Variants in MSRA observed in about 807,000 individuals in gnomAD.
MSRA encodes mitochondrial peptide methionine sulfoxide reductase.
Under a neutral mutation model 31.3 loss-of-function variants are expected in MSRA, and 54 were observed. The observed-to-expected ratio is 1.73, with a 90% confidence interval of 1.39 to 2.17. The LOEUF (loss-of-function observed/expected upper bound fraction) is 2.17, where lower values mean the gene tolerates loss of function less well. Among genes scored for constraint, MSRA ranks in the 30% most tolerant of loss-of-function variants. The pLI, the probability that MSRA is intolerant of heterozygous loss-of-function variation, is 0.00. For missense variants in MSRA, 507 were observed against 300.9 expected (o/e 1.69, Z -5.07); for synonymous variants, 169 against 116.5 (o/e 1.45, Z -2.90).
intron 5 of MSRA, among the ~76,000 whole-genome samples, chr8:10,416,508 G>T (rs1041067218): frequency 6.6e-6 from 1 of 152,226 alleles, no homozygotes; most frequent in African/African-American, 2.4e-5. Context: ...CTGGAGCATG[G>T]CTGGTTACTG....
At chr8:10,331,212 T>C (rs1382074865) in intron 5 of MSRA, among the ~76,000 whole-genome samples, 1 of 152,136 alleles carries the variant, frequency 6.6e-6, no homozygotes, top group Non-Finnish European at 1.5e-5. Flanking sequence ...GTCTGTTACT[T>C]TGTTATGGCA....
At chr8:10,389,618 G>C (rs1337405807) in intron 5 of MSRA, among the ~76,000 whole-genome samples, 2 of 152,152 alleles carry the variant, frequency 1.3e-5, no homozygotes, top group Non-Finnish European at 2.9e-5. Context: ...ACCCACCGGG[G>C]AGCAGGCCCT....
intron 1 of MSRA, among the ~76,000 whole-genome samples, chr8:10,115,176 A>G (rs931139030): frequency 1.3e-5 from 2 of 152,242 alleles, no homozygotes; most frequent in Admixed American, 1.3e-4. Context: ...TCAAAAATGT[A>G]AAGTTATATC....
At chr8:10,338,072 G>A (rs1317693655) in intron 5 of MSRA, among the ~76,000 whole-genome samples, 3 of 152,134 alleles carry the variant, frequency 2.0e-5, no homozygotes, top group Admixed American at 2.0e-4. Flanking sequence ...GGAGAAAAAG[G>A]CAAATAGGAC....
intron 3 of MSRA, chr8:10,250,344 T>A (rs1447485431): frequency 2.9e-6 from 2 of 689,430 alleles, no homozygotes; most frequent in Admixed American, 2.0e-5. Flanking sequence ...ATTAGCCTAA[T>A]ATACAAATAC....
chr8:10,178,265 G>A (rs951972625), intron 1 of MSRA, among the ~76,000 whole-genome samples: 7 of 152,132 alleles, frequency 4.6e-5, no homozygotes, highest in Non-Finnish European at 7.4e-5. Context: ...TACTCTGACA[G>A]TAAAAATCAA....
At chr8:10,420,590 T>G (rs1007171641) in intron 5 of MSRA, among the ~76,000 whole-genome samples, 1 of 152,130 alleles carries the variant, frequency 6.6e-6, no homozygotes, top group African/African-American at 2.4e-5. Context: ...CGGGCCTCTT[T>G]CCATATGGTC....
At chr8:10,339,530 T>TC (rs1803275542) in intron 5 of MSRA, among the ~76,000 whole-genome samples, 1 of 121,020 alleles carries the variant, frequency 8.3e-6, no homozygotes, top group East Asian at 2.6e-4. Context: ...TTTCTTTCTT[T>TC]CTTTTTTTTT....
chr8:10,178,373 T>C (rs771322609), intron 1 of MSRA, among the ~76,000 whole-genome samples: 10 of 152,032 alleles, frequency 6.6e-5, no homozygotes, highest in Admixed American at 2.6e-4. Flanking sequence ...GGAGATCACT[T>C]GAGCCCAGGA....
At chr8:10,201,523 G>A (rs17151309) in intron 1 of MSRA, among the ~76,000 whole-genome samples, 2,282 of 152,296 alleles carry the variant, frequency 0.015, 64 homozygotes, top group African/African-American at 0.052. Context: ...AATTTTAGGT[G>A]TTCCCAGTTG....
intron 3 of MSRA, among the ~76,000 whole-genome samples, chr8:10,279,760 C>T (rs1799519853): frequency 6.6e-6 from 1 of 152,188 alleles, no homozygotes; most frequent in Non-Finnish European, 1.5e-5. Context: ...TGCTGCTCTT[C>T]TTTTGAGTCC....
At chr8:10,176,758 G>C (rs773539557) in intron 1 of MSRA, among the ~76,000 whole-genome samples, 11 of 152,184 alleles carry the variant, frequency 7.2e-5, no homozygotes, top group Non-Finnish European at 1.2e-4. Flanking sequence ...ATCAATGCTG[G>C]AATGGGGGCT....
chr8:10,264,713 A>C (rs1798656440), intron 3 of MSRA, among the ~76,000 whole-genome samples: 1 of 152,186 alleles, frequency 6.6e-6, no homozygotes, highest in South Asian at 2.1e-4. Context: ...CATTAAGGTG[A>C]GATGACTAGT....
chr8:10,092,296 T>C (rs568528332), intron 1 of MSRA, among the ~76,000 whole-genome samples: 1 of 152,332 alleles, frequency 6.6e-6, no homozygotes. Flanking sequence ...TTAATCATTT[T>C]AAATTTATTG....
intron 5 of MSRA, among the ~76,000 whole-genome samples, chr8:10,355,063 C>T (rs935855987): frequency 6.6e-6 from 1 of 152,174 alleles, no homozygotes; most frequent in Non-Finnish European, 1.5e-5. Context: ...ATTTTCTTCA[C>T]TGGCATTTAG....
chr8:10,322,565 G>A (rs1340408430), intron 5 of MSRA, among the ~76,000 whole-genome samples: 2 of 152,076 alleles, frequency 1.3e-5, no homozygotes, highest in Non-Finnish European at 2.9e-5. Flanking sequence ...AGAGTCTAAG[G>A]TGCCCATGAC....
intron 1 of MSRA, among the ~76,000 whole-genome samples, chr8:10,173,970 G>T (rs1585092550): frequency 6.6e-6 from 1 of 152,148 alleles, no homozygotes; most frequent in South Asian, 2.1e-4. Context: ...CATTGAGGTG[G>T]GTGGGCCTGG....
intron 2 of MSRA, among the ~76,000 whole-genome samples, chr8:10,236,741 T>G (rs1257950419): frequency 6.6e-6 from 1 of 152,158 alleles, no homozygotes; most frequent in African/African-American, 2.4e-5. Flanking sequence ...AGATGGGGTT[T>G]TACTATGTTG....
chr8:10,181,485 C>T (rs967746228), intron 1 of MSRA, among the ~76,000 whole-genome samples: 1 of 151,194 alleles, frequency 6.6e-6, no homozygotes, highest in African/African-American at 2.4e-5. Flanking sequence ...AGGCCGAAGA[C>T]CCATCAGGGA....
Sources: allele counts gnomAD v4.1 joint callset (sites outside exome capture counted in the v4.1 genomes callset), GRCh38; gene constraint gnomAD v4.1.1; transcripts MANE v1.5; gene names NCBI Gene and HGNC (gene_info 2026-07-23, HGNC 2026-07-21).